Variants in ASAH1 observed in about 807,000 individuals in gnomAD.
The protein encoded by ASAH1 is acid ceramidase.
ASAH1 carries 70 observed loss-of-function variants against 59.5 expected under a neutral mutation model. The ratio of observed to expected loss-of-function variants is 1.18; its 90% CI spans 0.97 to 1.43. The LOEUF is 1.43. ASAH1 is among the 40% of genes most tolerant of loss of function. ASAH1 has a pLI of 0.00. For synonymous variants in ASAH1, 213 were observed against 166.5 expected (o/e 1.28, Z -2.15); for missense variants, 660 against 482.5 (o/e 1.37, Z -3.45).
rs6586687 is a variant in ASAH1, at chr8:18,073,218, G to A, written c.126-1828C>T. On this transcript the variant is annotated intron_variant, in intron 2 of 13. Transcript: ENST00000637790. ...TAAAACATTTCAGTATTTAACTTGT[G>A]CGCCTCCATTTCCCCATAAGAATAA... is the stretch of plus-strand genomic sequence containing the variant. The A allele has an allele frequency of 0.45, 641,677 of 1,427,786 alleles. 153,806 individuals are homozygous for A. Among genetic ancestry groups the A allele is most frequent in the Admixed American group, 0.59 (30,893 of 52,780 alleles). 88.4% of individuals were successfully genotyped at this position (1,427,786 alleles called of 1,614,324 possible).
intron 10 of ASAH1, chr8:18,059,943 C>T (rs1041937693): frequency 2.4e-6 from 1 of 409,168 alleles, no homozygotes; most frequent in Non-Finnish European, 4.3e-6. Flanking sequence ...ACCCCACCCC[C>T]TGACAGGCCC....
chr8:18,066,422 C>CAAAAAAAAAAAAAAAAAAAACAA (rs35999931), intron 5 of ASAH1: 2 of 127,336 alleles, frequency 1.6e-5, no homozygotes, highest in East Asian at 2.2e-4. Flanking sequence ...CAAAGAAAAC[C>CAAAAAAAAAAAAAAAAAAAACAA]AAAAAAAAAA....
chr8:18,084,060 G>T lies in ASAH1; in HGVS notation c.-2C>A, dbSNP rs371791165. The T allele has an allele frequency of 6.9e-6, 11 of 1,598,450 alleles. No individual in the cohort carries two copies. The East Asian group carries it at 2.0e-4, about 29-fold the overall frequency. ...GGCGACGCAACTCCGGCCCGGCATC[G>T]CTCTAGCAGCCAACGCCACTCCCCG... On this transcript the variant is annotated 5_prime_UTR_variant, in exon 1 of 14. Coordinates refer to ENST00000637790, the MANE Select transcript of ASAH1 (RefSeq NM_177924.5).
upstream of ASAH1, chr8:18,084,290 C>A (rs992141296): frequency 2.4e-5 from 35 of 1,435,276 alleles, no homozygotes; most frequent in South Asian, 7.4e-5. Context: ...AGGCTACCTG[C>A]AGAAGGAGAG....
In ASAH1 at chr8:18,069,748, T is replaced by G. The variant is rs111355471; in HGVS notation, c.303+44A>C. The stretch of plus-strand genomic sequence containing the variant: ...TGCCTTTAAATAAATAACAGCGCAT[T>G]TTCTATGTGCTTAACATTTATTGTG... On this transcript the variant is annotated intron_variant, in intron 4 of 13. Transcript: ENST00000637790. 1.3e-5 allele frequency: 18 copies of G among 1,404,904 alleles called. No individual in the cohort carries two copies. The African/African-American group carries it at 1.8e-4, about 14-fold the overall frequency. 87.0% of individuals were successfully genotyped at this position (1,404,904 alleles called of 1,614,324 possible).
Position 18,075,593 on chromosome 8 carries a change from A to G in ASAH1, c.79-6T>C, listed in dbSNP as rs575527558. Reference sequence around the variant, plus strand: ...TTTCTGCAGTCCTCTGTCCACTGAAAAGCAAAGAAAATTAAGTTTCAGAAA... The same window carrying G: ...TTTCTGCAGTCCTCTGTCCACTGAAGAGCAAAGAAAATTAAGTTTCAGAAA... On this transcript the variant is annotated splice_region_variant and splice_polypyrimidine_tract_variant and intron_variant, in intron 1 of 13. Coordinates refer to ENST00000637790, the MANE Select transcript of ASAH1 (RefSeq NM_177924.5). The G allele has an allele frequency of 1.2e-6, 2 of 1,614,090 alleles. No homozygotes were observed. Among genetic ancestry groups the G allele is most frequent in the South Asian group, 2.2e-5 (2 of 91,068 alleles).
chr8:18,062,810 T>TA (rs1799760871), intron 7 of ASAH1: 1 of 371,720 alleles, frequency 2.7e-6, no homozygotes, highest in Non-Finnish European at 5.0e-6. Context: ...ACTTGGGACT[T>TA]ACTTATCATC....
chr8:18,058,470 C>A, intron 13 of ASAH1: 2 of 209,244 alleles, frequency 9.6e-6, no homozygotes, highest in Non-Finnish European at 1.9e-5. Context: ...GAAACCCGAA[C>A]CCACCAAGAC....
Position 18,084,014 on chromosome 8 carries a change from G to T in ASAH1, c.45C>A (p.Ala15=). 3 of 1,598,428 alleles carry T rather than the reference G, an allele frequency of 1.9e-6. No individual in the cohort carries two copies. The highest frequency in any genetic ancestry group is 2.7e-5 in the African/African-American group (2 of 75,040). The part of the protein sequence containing the change: ...SCVALVLLAA[A]VSCAVAQHAP... ...CGTGCTGCGCGACGGCACAGCTGAC[G>T]GCGGCAGCCAGGAGGACTAAGGCGA... Residue 15 remains alanine (A), a synonymous_variant, in exon 1 of 14, where the codon GCC becomes GCA. Coordinates refer to ENST00000637790, the MANE Select transcript of ASAH1 (RefSeq NM_177924.5).
At chr8:18,068,162 T>C (rs1564543886) in intron 4 of ASAH1, 1 of 152,120 alleles carries the variant, frequency 6.6e-6, no homozygotes, top group Non-Finnish European at 1.5e-5. Context: ...CCATATGAAA[T>C]ATATATTAGT....
intron 10 of ASAH1, chr8:18,061,125 C>A (rs978915748): frequency 1.1e-5 from 4 of 355,286 alleles, no homozygotes; most frequent in African/African-American, 8.4e-5. Flanking sequence ...TTTCTGTACA[C>A]CAAAAATATT....
At chr8:18,066,488 A>C (rs751845372) in intron 5 of ASAH1, 10 of 152,034 alleles carry the variant, frequency 6.6e-5, no homozygotes, top group African/African-American at 4.8e-5. Context: ...TGCAAATTGA[A>C]ACTAAAATGC....
intron 5 of ASAH1, 41 bp downstream of exon 5, chr8:18,067,177 AAT>A: frequency 7.8e-7 from 1 of 1,289,746 alleles, no homozygotes. Flanking sequence ...CTTGTAAAAG[AAT>A]TTAATTACTT....
chr8:18,069,140 C>CAA (rs34419879), intron 4 of ASAH1, among the ~76,000 whole-genome samples: 9 of 90,070 alleles, frequency 1.0e-4, no homozygotes, highest in East Asian at 3.4e-4. Flanking sequence ...GATGAGGTCT[C>CAA]AAAAAAAAAA....
intron 1 of ASAH1, among the ~76,000 whole-genome samples, chr8:18,077,184 C>T (rs569198474): frequency 6.6e-6 from 1 of 152,150 alleles, no homozygotes. Flanking sequence ...ACGGTTATAT[C>T]CACAAGAGCA....
intron 5 of ASAH1, 85 bp from the exon 6 acceptor site, chr8:18,064,616 T>G: frequency 4.8e-6 from 4 of 828,848 alleles, no homozygotes; most frequent in Non-Finnish European, 4.0e-6. Context: ...TTCAGTGTTT[T>G]CATTGTGTGA....
chr8:18,057,568 A>G lies in ASAH1; in HGVS notation c.1154T>C (p.Leu385Pro), dbSNP rs368345612. Reference sequence around the variant, plus strand: ...TATACAAGGGTCAGGGCAGTCCCGCAGGTAAGTTTCGAATTGACCTTTGGT... The same window carrying G: ...TATACAAGGGTCAGGGCAGTCCCGCGGGTAAGTTTCGAATTGACCTTTGGT... ...DVTKGQFETY[L>P]RDCPDPCIGW Residue 385 changes from leucine (L) to proline (P), a missense_variant, in exon 14 of 14, where the codon CTG becomes CCG. Coordinates refer to ENST00000637790, the MANE Select transcript of ASAH1 (RefSeq NM_177924.5). 1.6e-5 allele frequency: 25 copies of G among 1,604,438 alleles called. No individual in the cohort carries two copies. The African/African-American group carries it at 3.3e-4, about 21-fold the overall frequency.
rs2117037285 is a variant in ASAH1, at chr8:18,064,468, T to C, written c.446A>G (p.Glu149Gly). The C allele has an allele frequency of 1.9e-6, 3 of 1,575,564 alleles. No homozygotes were observed. The highest frequency in any genetic ancestry group is 2.6e-6 in the Non-Finnish European group (3 of 1,146,572). Residue 149 changes from glutamate (E) to glycine (G), a missense_variant, in exon 6 of 14, where the codon GAA becomes GGA. By Grantham distance (98) the Glu-to-Gly change is moderately conservative. Transcript: ENST00000637790. ...LFTICTSIVA[E>G]DKKGHLIHGR... ...CAGCGCACAATTACCTTTTTTGTCT[T>C]CTGCTACTATTGAAGTACAAATGGT...
chr8:18,056,530 C>T lies in ASAH1; in HGVS notation c.*1004G>A, dbSNP rs1799476513. 6.6e-6 allele frequency: 1 copy of T among 152,196 alleles called. No homozygotes were observed. The highest frequency in any genetic ancestry group is 6.5e-5 in the Admixed American group (1 of 15,278). 9.4% of individuals were successfully genotyped at this position (152,196 alleles called of 1,614,324 possible). A position where few individuals can be genotyped will look rare whatever the true frequency, so the allele number is the denominator to read the frequency against. On this transcript the variant is annotated 3_prime_UTR_variant, in exon 14 of 14. Transcript: ENST00000637790. Reference sequence around the variant, plus strand: ...AATGAAGTGGACAAACGGTCTTGCACAAATGACGTACATTTCACAGTTAAT... The same window carrying T: ...AATGAAGTGGACAAACGGTCTTGCATAAATGACGTACATTTCACAGTTAAT...
Sources: allele counts gnomAD v4.1 joint callset (sites outside exome capture counted in the v4.1 genomes callset), GRCh38; gene constraint gnomAD v4.1.1; transcripts MANE v1.5; gene names NCBI Gene and HGNC (gene_info 2026-07-23, HGNC 2026-07-21).